Variants in LRRIQ1 observed in about 807,000 individuals in gnomAD.
LRRIQ1 encodes leucine-rich repeat- and IQ domain-containing protein 1.
LRRIQ1 carries 210 observed loss-of-function variants against 211.9 expected under a neutral mutation model. The ratio of observed to expected loss-of-function variants is 0.99; its 90% CI spans 0.89 to 1.11. The LOEUF (loss-of-function observed/expected upper bound fraction) is 1.11, where lower values mean the gene tolerates loss of function less well. LRRIQ1 is among the 50% of genes most tolerant of loss of function. The pLI, the probability that LRRIQ1 is intolerant of heterozygous loss-of-function variation, is 0.00. For missense variants in LRRIQ1, 2,136 were observed against 1,939.5 expected (o/e 1.10, Z -1.90); for synonymous variants, 699 against 650.1 (o/e 1.08, Z -1.14).
At chr12:85,234,627 G>A (rs1312253424) in intron 26 of LRRIQ1, among the ~76,000 whole-genome samples, 1 of 152,108 alleles carries the variant, frequency 6.6e-6, no homozygotes, top group Non-Finnish European at 1.5e-5. Flanking sequence ...TTGCCCACTT[G>A]TGCCAGGGAA....
At chr12:85,234,536 G>A (rs77653508) in intron 26 of LRRIQ1, among the ~76,000 whole-genome samples, 2 of 152,076 alleles carry the variant, frequency 1.3e-5, no homozygotes, top group Admixed American at 6.6e-5. Context: ...GGCATCAGTG[G>A]CTTTTATCAA....
downstream of LRRIQ1, among the ~76,000 whole-genome samples, chr12:85,267,737 A>G (rs1392960340): frequency 6.6e-6 from 1 of 152,064 alleles, no homozygotes; most frequent in Non-Finnish European, 1.5e-5. Context: ...ACATAGACAA[A>G]GTAAGAAATA....
At chr12:85,106,190 T>C (rs887988784) in intron 14 of LRRIQ1, among the ~76,000 whole-genome samples, 2 of 152,206 alleles carry the variant, frequency 1.3e-5, no homozygotes, top group African/African-American at 4.8e-5. Context: ...ATTTTACTTC[T>C]TCAGATTTTG....
chr12:85,148,849 G>T (rs774423111), intron 19 of LRRIQ1, among the ~76,000 whole-genome samples: 2 of 151,998 alleles, frequency 1.3e-5, no homozygotes, highest in Non-Finnish European at 2.9e-5. Flanking sequence ...ATTCTGACTG[G>T]TGTGAGATAG....
intron 24 of LRRIQ1, among the ~76,000 whole-genome samples, chr12:85,226,515 AT>A (rs1229592315): frequency 2.9e-4 from 38 of 132,940 alleles, no homozygotes; most frequent in African/African-American, 7.9e-4. Context: ...TTGTATAATT[AT>A]TTTTTTTCTA....
At chr12:85,082,394 A>G (rs947552903) in intron 11 of LRRIQ1, among the ~76,000 whole-genome samples, 2 of 152,012 alleles carry the variant, frequency 1.3e-5, no homozygotes, top group Non-Finnish European at 2.9e-5. Context: ...TTTTTGATTC[A>G]TCCTGTCGGG....
At chr12:85,103,478 A>C (rs1351959613) in intron 13 of LRRIQ1, among the ~76,000 whole-genome samples, 1 of 151,776 alleles carries the variant, frequency 6.6e-6, no homozygotes, top group Non-Finnish European at 1.5e-5. Flanking sequence ...TTAGTAAAGA[A>C]AGATTTTTTA....
intron 5 of LRRIQ1, 69 bp downstream of exon 5, chr12:85,046,206 T>A (rs931710587): frequency 3.4e-4 from 300 of 880,426 alleles, no homozygotes; most frequent in Non-Finnish European, 4.5e-4. Flanking sequence ...TTAAAAAAAA[T>A]TGGACAGTTG....
At chr12:85,191,195 T>A (rs1892494103) in intron 24 of LRRIQ1, among the ~76,000 whole-genome samples, 1 of 151,962 alleles carries the variant, frequency 6.6e-6, no homozygotes, top group South Asian at 2.1e-4. Context: ...ATAGTTTACA[T>A]TAGATCTCAC....
intron 24 of LRRIQ1, among the ~76,000 whole-genome samples, chr12:85,213,031 A>C (rs555015703): frequency 6.6e-6 from 1 of 151,752 alleles, no homozygotes; most frequent in Non-Finnish European, 1.5e-5. Flanking sequence ...CTTGAATTAC[A>C]TATAAATGAT....
intron 15 of LRRIQ1, among the ~76,000 whole-genome samples, chr12:85,114,560 A>G (rs1458415099): frequency 1.1e-5 from 1 of 89,070 alleles, no homozygotes; most frequent in African/African-American, 5.8e-5. Flanking sequence ...ATAAATTGAC[A>G]TATTTTATTA....
intron 11 of LRRIQ1, among the ~76,000 whole-genome samples, chr12:85,080,269 T>G (rs1884136901): frequency 6.6e-6 from 1 of 152,042 alleles, no homozygotes; most frequent in South Asian, 2.1e-4. Context: ...TACCTTAATA[T>G]TCACTCTGTC....
chr12:85,117,695 T>C (rs1887682444), intron 15 of LRRIQ1, among the ~76,000 whole-genome samples: 1 of 152,162 alleles, frequency 6.6e-6, no homozygotes, highest in Non-Finnish European at 1.5e-5. Flanking sequence ...ATTTAGGAAA[T>C]TGAATCTTGA....
At chr12:85,097,719 C>T (rs1055707198) in intron 11 of LRRIQ1, among the ~76,000 whole-genome samples, 6 of 152,106 alleles carry the variant, frequency 3.9e-5, no homozygotes, top group African/African-American at 7.2e-5. Context: ...TACACACTTC[C>T]TCAGCATCTT....
chr12:85,064,420 A>C (rs966734344), intron 8 of LRRIQ1, among the ~76,000 whole-genome samples: 3 of 151,832 alleles, frequency 2.0e-5, no homozygotes, highest in African/African-American at 7.3e-5. Flanking sequence ...TCCGGTTACT[A>C]ATCCCTTGTC....
intron 24 of LRRIQ1, among the ~76,000 whole-genome samples, chr12:85,181,355 T>G (rs1308080958): frequency 6.6e-6 from 1 of 151,904 alleles, no homozygotes; most frequent in Non-Finnish European, 1.5e-5. Flanking sequence ...TGAATATATT[T>G]TCTATAATTC....
At chr12:85,144,587 A>G (rs1192993787) in intron 19 of LRRIQ1, among the ~76,000 whole-genome samples, 1 of 151,622 alleles carries the variant, frequency 6.6e-6, no homozygotes, top group African/African-American at 2.4e-5. Context: ...AAGGCTTGAA[A>G]TAGGAAATCA....
At position 85,225,362 on chromosome 12, in the gene LRRIQ1, TCAAAA is replaced by T. The variant is rs200313274; in HGVS notation, c.4823-4144_4823-4140del. Among the ~76,000 whole-genome samples the T allele has an allele frequency of 4.6e-5, 7 of 152,100 alleles. No individual in the cohort carries two copies. The East Asian group carries it at 1.4e-3, about 29-fold the overall frequency. On this transcript the variant is annotated intron_variant, in intron 24 of 26. Coordinates refer to ENST00000393217, the MANE Select transcript of LRRIQ1 (RefSeq NM_001079910.2). Reference sequence around the variant, plus strand: ...GAACAACTATGTGTGTAAACTAAAGTCAAAACAAAACAAAAAAATGTGAAAACAGC... The same window carrying T: ...GAACAACTATGTGTGTAAACTAAAGTCAAAACAAAAAAATGTGAAAACAGC...
chr12:85,143,424 G>A (rs11116727), intron 19 of LRRIQ1, among the ~76,000 whole-genome samples: 7 of 151,386 alleles, frequency 4.6e-5, no homozygotes, highest in African/African-American at 9.7e-5. Context: ...CATTTTCTTC[G>A]TTGTTTACTT....
Sources: allele counts gnomAD v4.1 joint callset (sites outside exome capture counted in the v4.1 genomes callset), GRCh38; gene constraint gnomAD v4.1.1; transcripts MANE v1.5; gene names NCBI Gene and HGNC (gene_info 2026-07-23, HGNC 2026-07-21).